TAF4B: variants seen among roughly 807,000 people sequenced by gnomAD.
TAF4B encodes the protein transcription initiation factor TFIID subunit 4B.
TAF4B carries 38 observed loss-of-function variants against 86.4 expected under a neutral mutation model. That is an observed-to-expected ratio of 0.44 (90% CI 0.34 to 0.58). The LOEUF (loss-of-function observed/expected upper bound fraction) is 0.58, where lower values mean the gene tolerates loss of function less well. TAF4B is among the 20% of genes least tolerant of loss of function. The pLI, the probability that TAF4B is intolerant of heterozygous loss-of-function variation, is 0.02. For missense variants in TAF4B, 988 were observed against 1,027.6 expected (o/e 0.96, Z 0.53); for synonymous variants, 388 against 391.2 (o/e 0.99, Z 0.10).
intron 13 of TAF4B, among the ~76,000 whole-genome samples, chr18:26,347,502 T>A (rs1195975694): frequency 3.3e-5 from 5 of 151,978 alleles, no homozygotes; most frequent in African/African-American, 1.2e-4. Flanking sequence ...TACTAAAAGA[T>A]GAAGAAAGGA....
rs1445212561 is a variant in TAF4B at position 26,390,856 on chromosome 18, TG to T, written c.*847del. The T allele has an allele frequency of 6.6e-6, 1 of 152,052 alleles. No individual in the cohort carries two copies. Among genetic ancestry groups the T allele is most frequent in the Non-Finnish European group, 1.5e-5 (1 of 67,994 alleles). 9.4% of individuals were successfully genotyped at this position (152,052 alleles called of 1,614,324 possible). A position where few individuals can be genotyped will look rare whatever the true frequency, so the allele number is the denominator to read the frequency against. ...AAACAACTGGTACATGTTTTGTTGA[TG>T]GGCAAAAAAAATCACAGCACAACCA... On this transcript the variant is annotated 3_prime_UTR_variant, in exon 15 of 15. Coordinates refer to ENST00000269142, the MANE Select transcript of TAF4B (RefSeq NM_005640.3).
intron 1 of TAF4B, among the ~76,000 whole-genome samples, chr18:26,244,431 A>C (rs879030343): frequency 6.6e-6 from 1 of 152,224 alleles, no homozygotes; most frequent in African/African-American, 2.4e-5. Context: ...GGAAAAGTGC[A>C]GTATTAGGAT....
At chr18:26,377,599 A>G (rs1011788046) in intron 14 of TAF4B, among the ~76,000 whole-genome samples, 6 of 152,344 alleles carry the variant, frequency 3.9e-5, no homozygotes, top group South Asian at 2.1e-4. Flanking sequence ...ATGTGTTATC[A>G]AGGAGATTTA....
intron 14 of TAF4B, among the ~76,000 whole-genome samples, chr18:26,373,543 T>A (rs17799802): frequency 0.047 from 7,151 of 152,310 alleles, 226 homozygotes; most frequent in Non-Finnish European, 0.067. Flanking sequence ...TCTAAAAAAA[T>A]GTTTTGCCAA....
intron 10 of TAF4B, among the ~76,000 whole-genome samples, chr18:26,319,932 T>G (rs1014740487): frequency 6.6e-6 from 1 of 152,142 alleles, no homozygotes; most frequent in African/African-American, 2.4e-5. Flanking sequence ...TTTGTAGAAT[T>G]TTTTTCCCTG....
intron 14 of TAF4B, among the ~76,000 whole-genome samples, chr18:26,370,600 A>G (rs565887415): frequency 1.3e-5 from 2 of 152,254 alleles, no homozygotes; most frequent in African/African-American, 4.8e-5. Flanking sequence ...TTCTATACCT[A>G]TAATCAGCCT....
At chr18:26,335,123 A>G (rs375538832) in intron 12 of TAF4B, 52 bp from the exon 13 acceptor site, 65 of 1,252,476 alleles carry the variant, frequency 5.2e-5, no homozygotes, top group African/African-American at 1.0e-4. Flanking sequence ...AATGGCAACT[A>G]TGGTGTTCAG....
chr18:26,250,062 G>T (rs1474758270), intron 1 of TAF4B, among the ~76,000 whole-genome samples: 2 of 151,986 alleles, frequency 1.3e-5, no homozygotes, highest in East Asian at 1.9e-4. Context: ...TTGAAACAGG[G>T]TCTCACTCTG....
chr18:26,250,756 A>C (rs1448746724), intron 1 of TAF4B, among the ~76,000 whole-genome samples: 1 of 152,220 alleles, frequency 6.6e-6, no homozygotes, highest in African/African-American at 2.4e-5. Flanking sequence ...ACATATAAAA[A>C]GACCAACAAA....
chr18:26,332,102 A>G (rs921448798), intron 12 of TAF4B, among the ~76,000 whole-genome samples: 6 of 152,036 alleles, frequency 3.9e-5, no homozygotes, highest in African/African-American at 1.4e-4. Context: ...CCCTTCCCCT[A>G]AGTCTGCTTT....
chr18:26,265,069 C>A, intron 1 of TAF4B, 101 bp from the exon 2 acceptor site: 3 of 1,211,896 alleles, frequency 2.5e-6, no homozygotes, highest in Non-Finnish European at 3.4e-6. Flanking sequence ...GTATTGAAGA[C>A]ATCTTTTTAA....
rs138639226 is a variant in TAF4B at position 26,281,236 on chromosome 18, T to G, written c.883-735T>G. Among the ~76,000 whole-genome samples, 276 of 152,090 alleles carry G rather than the reference T, an allele frequency of 1.8e-3. 1 individual carries two copies. The highest frequency in any genetic ancestry group is 6.2e-3 in the African/African-American group (258 of 41,464). On this transcript the variant is annotated intron_variant, in intron 5 of 14. Transcript: ENST00000269142. ...CGAGATCATCTGTACCCCAAACTTG[T>G]ACTTGTACCTCTTGAATCTAAAATA...
At chr18:26,243,875 A>G (rs2055880896) in intron 1 of TAF4B, among the ~76,000 whole-genome samples, 1 of 152,200 alleles carries the variant, frequency 6.6e-6, no homozygotes, top group Non-Finnish European at 1.5e-5. Flanking sequence ...GCTGGGTATC[A>G]CCAGTGGAGG....
At chr18:26,336,467 TAGAG>T (rs1377940501) in intron 13 of TAF4B, among the ~76,000 whole-genome samples, 3 of 152,038 alleles carry the variant, frequency 2.0e-5, no homozygotes, top group African/African-American at 7.2e-5. Flanking sequence ...TTCATTAACA[TAGAG>T]AAGGAAAATA....
intron 8 of TAF4B, 116 bp downstream of exon 8, chr18:26,292,497 C>A: frequency 9.2e-7 from 1 of 1,084,790 alleles, no homozygotes. Flanking sequence ...AAGTTGGCAC[C>A]CATTGAGAGA....
intron 1 of TAF4B, among the ~76,000 whole-genome samples, chr18:26,237,990 C>T (rs964035123): frequency 1.1e-4 from 16 of 152,270 alleles, no homozygotes; most frequent in African/African-American, 3.4e-4. Flanking sequence ...TCCGTGGACC[C>T]TGCTGTTCAG....
chr18:26,353,702 G>C (rs1023236527), intron 13 of TAF4B, among the ~76,000 whole-genome samples: 13 of 152,192 alleles, frequency 8.5e-5, no homozygotes, highest in African/African-American at 3.1e-4. Flanking sequence ...AAAGAAACTT[G>C]CTTTTACCAG....
intron 11 of TAF4B, among the ~76,000 whole-genome samples, chr18:26,324,994 G>A (rs931041290): frequency 6.6e-6 from 1 of 152,118 alleles, no homozygotes; most frequent in African/African-American, 2.4e-5. Context: ...ATAAAAGTGA[G>A]TTACTCTTTT....
intron 1 of TAF4B, among the ~76,000 whole-genome samples, chr18:26,252,626 C>T (rs375180429): frequency 6.6e-6 from 1 of 151,666 alleles, no homozygotes; most frequent in Non-Finnish European, 1.5e-5. Flanking sequence ...TGTATTGACA[C>T]TCTGTACACT....
Sources: allele counts gnomAD v4.1 joint callset (sites outside exome capture counted in the v4.1 genomes callset), GRCh38; gene constraint gnomAD v4.1.1; transcripts MANE v1.5; gene names NCBI Gene and HGNC (gene_info 2026-07-23, HGNC 2026-07-21).